The following TRPM3 variants were observed in gnomAD, a reference collection of about 807,000 sequenced individuals.
The protein encoded by TRPM3 is long transient receptor potential channel 3.
A neutral mutation model predicts 181.2 loss-of-function variants in TRPM3; 77 were observed. That is an observed-to-expected ratio of 0.42 (90% CI 0.35 to 0.51). TRPM3 has a LOEUF of 0.51. Ranked by LOEUF, TRPM3 falls within the 20% of genes least tolerant of loss-of-function variation. The pLI, the probability that TRPM3 is intolerant of heterozygous loss-of-function variation, is 0.01. For missense variants in TRPM3, 1,759 were observed against 2,196.7 expected, an observed-to-expected ratio of 0.80 and a Z score of 3.98; for synonymous variants, 745 against 796.4, an observed-to-expected ratio of 0.94 and a Z score of 1.09.
At chr9:71,322,720 C>G (rs1426968407) in intron 1 of TRPM3, among the ~76,000 whole-genome samples, 1 of 152,098 alleles carries the variant, frequency 6.6e-6, no homozygotes, top group Non-Finnish European at 1.5e-5. Context: ...ATCATATAAA[C>G]TAGTTGATAT....
chr9:71,436,582 C>T lies in TRPM3; in HGVS notation c.183+10071G>A, dbSNP rs538192731. On this transcript the variant is annotated intron_variant, in intron 1 of 24. Transcript: ENST00000357533. ...CCTCCCAAAGTGCTGGGATTACAGG[C>T]GTGAGCCACCACTCCCGGCCTAAAC... 1.2e-4 allele frequency among the ~76,000 whole-genome samples: 19 copies of T among 152,174 alleles called. No homozygotes were observed. In the South Asian group the frequency reaches 3.9e-3, roughly 32 times the overall value.
chr9:70,826,366 C>T (rs1232143733), intron 6 of TRPM3: 1 of 152,112 alleles, frequency 6.6e-6, no homozygotes, highest in Non-Finnish European at 1.5e-5. Context: ...CTTTTTGTTT[C>T]CAGAAGATGT....
At chr9:71,289,222 C>T (rs2085568514) in intron 1 of TRPM3, among the ~76,000 whole-genome samples, 1 of 151,776 alleles carries the variant, frequency 6.6e-6, no homozygotes, top group Non-Finnish European at 1.5e-5. Context: ...CTTGCAAACC[C>T]CACAAATATT....
chr9:70,646,390 T>C (rs763031413), intron 9 of TRPM3, among the ~76,000 whole-genome samples: 6 of 152,290 alleles, frequency 3.9e-5, no homozygotes, highest in East Asian at 1.9e-4. Context: ...TATGCAACCA[T>C]AGAAAAGGAT....
intron 1 of TRPM3, among the ~76,000 whole-genome samples, chr9:71,059,641 T>C (rs758622470): frequency 1.3e-5 from 2 of 152,076 alleles, no homozygotes; most frequent in Non-Finnish European, 1.5e-5. Flanking sequence ...TGATAATGTA[T>C]GTGGGACTTA....
At chr9:70,943,697 T>C (rs1481267289) in intron 1 of TRPM3, among the ~76,000 whole-genome samples, 2 of 152,224 alleles carry the variant, frequency 1.3e-5, no homozygotes, top group African/African-American at 4.8e-5. Flanking sequence ...TATACAGACC[T>C]CACAGTCTTC....
At chr9:70,895,156 T>C (rs745711156) in intron 1 of TRPM3, among the ~76,000 whole-genome samples, 3 of 152,238 alleles carry the variant, frequency 2.0e-5, no homozygotes, top group Non-Finnish European at 4.4e-5. Context: ...CCAGTCCAGA[T>C]AGATATGGAT....
In TRPM3 at chr9:71,209,612, A is replaced by G. The variant is rs372641621; in HGVS notation, c.183+237041T>C. Among the ~76,000 whole-genome samples, 12 of 152,346 alleles carry G rather than the reference A, an allele frequency of 7.9e-5. No homozygotes were observed. In the East Asian group the frequency reaches 1.9e-3, roughly 25 times the overall value. The stretch of plus-strand genomic sequence containing the variant: ...AGAGAGGCAAAGAGCACCTGCTGAT[A>G]GAGACAGAGGGGAAGTTATCTGTGG... On this transcript the variant is annotated intron_variant, in intron 1 of 24. Coordinates refer to the TRPM3 transcript ENST00000357533.
chr9:70,675,311 G>C (rs927497289), intron 9 of TRPM3, among the ~76,000 whole-genome samples: 1 of 152,084 alleles, frequency 6.6e-6, no homozygotes, highest in African/African-American at 2.4e-5. Flanking sequence ...ATGTTGGCCA[G>C]GCTGGTCTTG....
intron 1 of TRPM3, among the ~76,000 whole-genome samples, chr9:71,163,155 G>A (rs1194485049): frequency 1.3e-5 from 2 of 152,166 alleles, no homozygotes; most frequent in East Asian, 3.8e-4. Context: ...GAGGTGACAT[G>A]ATTAAAAATT....
At position 70,537,161 on chromosome 9, in the gene TRPM3, C is replaced by T; in HGVS notation, c.3952G>A (p.Gly1318Arg). Residue 1318 changes from glycine (G) to arginine (R), a missense_variant, in exon 26 of 26, where the codon GGG becomes AGG. Physicochemically the swap from Gly to Arg is moderately radical, Grantham distance 125. Transcript: ENST00000677713. ...CTCTCTTGGAGCTTGAAGGTGTTCCCTTCCTGGCTGTTGAAGCTGCTCTGA... is the reference window on the plus strand; with the variant it reads ...CTCTCTTGGAGCTTGAAGGTGTTCCTTTCCTGGCTGTTGAAGCTGCTCTGA... ...VRQSSFNSQE[G>R]NTFKLQESID... is the part of the protein sequence containing the mutation. The T allele has an allele frequency of 1.3e-6, 2 of 1,588,638 alleles. No homozygotes were observed. Among genetic ancestry groups the T allele is most frequent in the Non-Finnish European group, 8.6e-7 (1 of 1,161,782 alleles).
rs1216795412 is a variant in TRPM3, at chr9:70,956,959, TTC to T, written c.178-92450_178-92449del. 4.0e-3 allele frequency among the ~76,000 whole-genome samples: 307 copies of T among 77,262 alleles called. 1 individual carries two copies. Among genetic ancestry groups the T allele is most frequent in the African/African-American group, 0.017 (279 of 16,072 alleles). The allele number at this position is 77,262 out of a possible 152,430, so 50.7% of individuals were successfully genotyped here. On this transcript the variant is annotated intron_variant, in intron 1 of 25. Coordinates refer to ENST00000677713, the MANE Select transcript of TRPM3 (RefSeq NM_001366145.2). The stretch of plus-strand genomic sequence containing the variant: ...TTTAATTTTAGTTACATTTCTTTCT[TTC>T]TTTTTTTTTTTTTTTTTGATACCAA...
intron 9 of TRPM3, among the ~76,000 whole-genome samples, chr9:70,673,342 A>G (rs2063346041): frequency 1.3e-5 from 2 of 152,144 alleles, no homozygotes; most frequent in Admixed American, 1.3e-4. Context: ...GACCACCAAG[A>G]AACAAGTGCA....
At chr9:70,880,373 A>G (rs2095965936) in intron 1 of TRPM3, among the ~76,000 whole-genome samples, 1 of 152,160 alleles carries the variant, frequency 6.6e-6, no homozygotes, top group Non-Finnish European at 1.5e-5. Context: ...GATTCAGACT[A>G]ACCTGAAAAA....
At chr9:71,211,867 T>C (rs1467607007) in intron 1 of TRPM3, among the ~76,000 whole-genome samples, 1 of 152,216 alleles carries the variant, frequency 6.6e-6, no homozygotes, top group Non-Finnish European at 1.5e-5. Context: ...TCTGAGGTAC[T>C]GTGGGTTAGG....
intron 8 of TRPM3, among the ~76,000 whole-genome samples, chr9:70,743,365 CTT>C (rs2074528664): frequency 6.6e-6 from 1 of 152,068 alleles, no homozygotes; most frequent in Admixed American, 6.6e-5. Context: ...CCCTTTGAAA[CTT>C]TTATTTATTT....
At chr9:71,338,857 T>C (rs1396520976) in intron 1 of TRPM3, among the ~76,000 whole-genome samples, 1 of 152,146 alleles carries the variant, frequency 6.6e-6, no homozygotes, top group Non-Finnish European at 1.5e-5. Context: ...GGCAAAGATG[T>C]CGAATATTCA....
At chr9:70,898,758 A>C (rs1033733119) in intron 1 of TRPM3, among the ~76,000 whole-genome samples, 3 of 150,918 alleles carry the variant, frequency 2.0e-5, no homozygotes, top group African/African-American at 7.3e-5. Flanking sequence ...AAAAAAAAAA[A>C]AAAAAAAAGA....
At chr9:70,879,475 C>T (rs1270534836) in intron 1 of TRPM3, among the ~76,000 whole-genome samples, 3 of 151,994 alleles carry the variant, frequency 2.0e-5, no homozygotes, top group Non-Finnish European at 2.9e-5. Context: ...CTTCTAAGTA[C>T]TTTGTTCTTT....
Sources: allele counts gnomAD v4.1 joint callset (sites outside exome capture counted in the v4.1 genomes callset), GRCh38; gene constraint gnomAD v4.1.1; transcripts MANE v1.5; gene names NCBI Gene and HGNC (gene_info 2026-07-23, HGNC 2026-07-21).